Variants in GMDS observed in about 807,000 individuals in gnomAD.
The protein encoded by GMDS is GDP-mannose 4,6 dehydratase.
A neutral mutation model predicts 49.9 loss-of-function variants in GMDS; 20 were observed. The ratio of observed to expected loss-of-function variants is 0.40; its 90% CI spans 0.28 to 0.58. The LOEUF (loss-of-function observed/expected upper bound fraction) is 0.58. GMDS is among the 20% of genes least tolerant of loss of function. GMDS has a pLI of 0.42. For missense variants in GMDS, 362 were observed against 481.4 expected (o/e 0.75, Z 2.32); for synonymous variants, 177 against 178.6 (o/e 0.99, Z 0.07).
rs6935873 is a variant in GMDS at position 2,197,501 on chromosome 6, C to T, written c.102+47820G>A. ...CCAAGTAAGTTGCTAAACCTGACCA[C>T]GTCAAGGGCCAGGTCTATAAAAATG... On this transcript the variant is annotated intron_variant, in intron 1 of 10. Transcript: ENST00000380815. Among the ~76,000 whole-genome samples the T allele has an allele frequency of 2.4e-3, 365 of 152,314 alleles. 1 individual carries two copies. The highest frequency in any genetic ancestry group is 7.1e-3 in the African/African-American group (294 of 41,556).
At chr6:1,808,521 T>C (rs1293879754) in intron 7 of GMDS, among the ~76,000 whole-genome samples, 1 of 152,188 alleles carries the variant, frequency 6.6e-6, no homozygotes, top group Non-Finnish European at 1.5e-5. Context: ...AAATGGAATT[T>C]TCTTATTGAT....
intron 1 of GMDS, among the ~76,000 whole-genome samples, chr6:2,174,820 T>C (rs1188821296): frequency 6.6e-6 from 1 of 152,156 alleles, no homozygotes; most frequent in Non-Finnish European, 1.5e-5. Context: ...CTGCCCATCT[T>C]GGCCTCCCAA....
intron 1 of GMDS, among the ~76,000 whole-genome samples, chr6:2,235,381 G>A (rs969911016): frequency 2.0e-5 from 3 of 152,090 alleles, no homozygotes; most frequent in African/African-American, 7.2e-5. Flanking sequence ...AATATAAAAT[G>A]CCTCCCCCAG....
chr6:2,202,394 G>A (rs556077999), intron 1 of GMDS, among the ~76,000 whole-genome samples: 6 of 149,428 alleles, frequency 4.0e-5, no homozygotes, highest in East Asian at 1.9e-4. Context: ...CTGCACAGTC[G>A]AGTAAGCACA....
chr6:1,704,457 G>A (rs1264968444), intron 9 of GMDS, among the ~76,000 whole-genome samples: 1 of 152,162 alleles, frequency 6.6e-6, no homozygotes, highest in East Asian at 1.9e-4. Context: ...AGGTCAGTAC[G>A]GGAGTACCAT....
chr6:2,217,670 C>T (rs1181314347), intron 1 of GMDS, among the ~76,000 whole-genome samples: 5 of 152,198 alleles, frequency 3.3e-5, no homozygotes, highest in South Asian at 4.2e-4. Context: ...ACACATAAGG[C>T]CTGGTATATA....
At chr6:1,647,432 G>A (rs1763521114) in intron 9 of GMDS, among the ~76,000 whole-genome samples, 1 of 152,200 alleles carries the variant, frequency 6.6e-6, no homozygotes, top group Admixed American at 6.5e-5. Flanking sequence ...TCCCCAGCAG[G>A]CTGAAGGGTC....
At chr6:1,735,802 T>C (rs1224183420) in intron 8 of GMDS, among the ~76,000 whole-genome samples, 1 of 152,208 alleles carries the variant, frequency 6.6e-6, no homozygotes, top group Non-Finnish European at 1.5e-5. Context: ...ATATAATAAA[T>C]TTGCACAATG....
chr6:1,871,753 A>T lies in GMDS; in HGVS notation c.771+58350T>A, dbSNP rs552299412. ...TGATGTATTCTTGTAAGGATTTTTT[A>T]AAAACAGTTACAAACGGCTCAATTA... is the stretch of plus-strand genomic sequence containing the variant. On this transcript the variant is annotated intron_variant, in intron 7 of 10. Transcript: ENST00000380815. Among the ~76,000 whole-genome samples, 33 of 152,346 alleles carry T rather than the reference A, an allele frequency of 2.2e-4. No individual in the cohort carries two copies. The East Asian group carries it at 6.4e-3, about 29-fold the overall frequency.
intron 4 of GMDS, among the ~76,000 whole-genome samples, chr6:2,088,409 A>G (rs1176186003): frequency 6.6e-6 from 1 of 152,156 alleles, no homozygotes; most frequent in Non-Finnish European, 1.5e-5. Context: ...ACAAAAAGAG[A>G]TAATACGTGG....
chr6:2,149,694 G>A (rs760985879), intron 1 of GMDS, among the ~76,000 whole-genome samples: 2 of 152,200 alleles, frequency 1.3e-5, no homozygotes, highest in East Asian at 1.9e-4. Flanking sequence ...TTTAAAAAGC[G>A]TTAGAATAAA....
chr6:1,821,319 C>A (rs951375041), intron 7 of GMDS, among the ~76,000 whole-genome samples: 5 of 152,056 alleles, frequency 3.3e-5, no homozygotes, highest in African/African-American at 1.2e-4. Context: ...CCTCCCAGCT[C>A]CTTTTGAGCG....
intron 1 of GMDS, among the ~76,000 whole-genome samples, chr6:2,232,749 C>A (rs1448768634): frequency 6.6e-6 from 1 of 152,130 alleles, no homozygotes; most frequent in Non-Finnish European, 1.5e-5. Flanking sequence ...AGAGACGGCA[C>A]CACTGCAGCA....
chr6:2,028,413 T>C (rs1291844005), intron 4 of GMDS, among the ~76,000 whole-genome samples: 2 of 152,244 alleles, frequency 1.3e-5, no homozygotes, highest in Non-Finnish European at 2.9e-5. Context: ...CTTTCATTTA[T>C]GCTTTATAAT....
intron 2 of GMDS, among the ~76,000 whole-genome samples, chr6:2,120,433 C>T (rs1004802677): frequency 6.6e-6 from 1 of 152,102 alleles, no homozygotes; most frequent in Non-Finnish European, 1.5e-5. Context: ...AAGAAAGTAT[C>T]TCCATGTTCT....
chr6:2,239,447 A>G (rs1781512565), intron 1 of GMDS, among the ~76,000 whole-genome samples: 1 of 152,194 alleles, frequency 6.6e-6, no homozygotes, highest in Non-Finnish European at 1.5e-5. Context: ...TCAGCATGTA[A>G]TCCAAACATC....
At position 2,081,661 on chromosome 6, in the gene GMDS, C is replaced by G. The variant is rs576642645; in HGVS notation, c.345+34110G>C. ...AAAGTCACAGGCCACAAGCCACACTCTATGCTACCACAGTGTACCGATTTG... is the reference window on the plus strand; with the variant it reads ...AAAGTCACAGGCCACAAGCCACACTGTATGCTACCACAGTGTACCGATTTG... On this transcript the variant is annotated intron_variant, in intron 4 of 10. Coordinates refer to ENST00000380815, the MANE Select transcript of GMDS (RefSeq NM_001500.4). 9.9e-5 allele frequency among the ~76,000 whole-genome samples: 15 copies of G among 152,282 alleles called. No homozygotes were observed. In the South Asian group the frequency reaches 3.1e-3, roughly 32 times the overall value.
chr6:1,816,938 G>A (rs1770695788), intron 7 of GMDS, among the ~76,000 whole-genome samples: 1 of 151,040 alleles, frequency 6.6e-6, no homozygotes, highest in African/African-American at 2.4e-5. Flanking sequence ...GTCTGGGTGG[G>A]GTTGTCACAG....
At chr6:2,203,023 C>T (rs929351553) in intron 1 of GMDS, among the ~76,000 whole-genome samples, 9 of 152,166 alleles carry the variant, frequency 5.9e-5, no homozygotes, top group Admixed American at 3.3e-4. Context: ...TTCTAAGAAC[C>T]GTTCTTGGTG....
Sources: allele counts gnomAD v4.1 joint callset (sites outside exome capture counted in the v4.1 genomes callset), GRCh38; gene constraint gnomAD v4.1.1; transcripts MANE v1.5; gene names NCBI Gene and HGNC (gene_info 2026-07-23, HGNC 2026-07-21).